The following HYCC1 variants were observed in gnomAD, a reference collection of about 807,000 sequenced individuals.
The protein encoded by HYCC1 is hyccin PI4KA lipid kinase complex subunit 1.
chr7:22,902,414 A>C, the HYCC1 span, among the ~76,000 whole-genome samples: 1 of 152,166 alleles, frequency 6.6e-6, no homozygotes, highest in South Asian at 2.1e-4. Context: ...ATTACAACAA[A>C]AGTCAGAAAA....
the HYCC1 span, chr7:22,934,894 C>T: frequency 6.6e-6 from 1 of 152,180 alleles, no homozygotes; most frequent in African/African-American, 2.4e-5. Flanking sequence ...TTCCAGACTC[C>T]TAGAAGCAAA....
At chr7:22,943,120 T>TAA in the HYCC1 span, 34 of 152,294 alleles carry the variant, frequency 2.2e-4, no homozygotes, top group East Asian at 6.6e-3. Context: ...ATTCCATTTA[T>TAA]AGTTAACAAG....
chr7:22,986,510 GT>G, the HYCC1 span, among the ~76,000 whole-genome samples: 1 of 152,214 alleles, frequency 6.6e-6, no homozygotes, highest in Admixed American at 6.5e-5. Flanking sequence ...CATAACTGGA[GT>G]TGAAAAGCAC....
the HYCC1 span, among the ~76,000 whole-genome samples, chr7:23,008,964 A>AC: frequency 6.6e-5 from 10 of 152,204 alleles, no homozygotes; most frequent in Non-Finnish European, 1.0e-4. Context: ...ATAAAAGAAA[A>AC]ATTTGATAGG....
chr7:22,930,725 G>C, the HYCC1 span, among the ~76,000 whole-genome samples: 1 of 151,950 alleles, frequency 6.6e-6, no homozygotes, highest in South Asian at 2.1e-4. Flanking sequence ...CAAAATACTA[G>C]CAAATCAAAT....
the HYCC1 span, among the ~76,000 whole-genome samples, chr7:22,906,976 G>A: frequency 6.6e-6 from 1 of 151,724 alleles, no homozygotes; most frequent in Non-Finnish European, 1.5e-5. Context: ...ATGGGGGCGG[G>A]CACTTGTAAT....
the HYCC1 span, among the ~76,000 whole-genome samples, chr7:23,008,325 T>C: frequency 2.0e-5 from 3 of 151,914 alleles, no homozygotes; most frequent in Non-Finnish European, 2.9e-5. Flanking sequence ...AAATATCAAA[T>C]ATACCACTTG....
At chr7:22,899,381 TC>T in the HYCC1 span, among the ~76,000 whole-genome samples, 4 of 152,190 alleles carry the variant, frequency 2.6e-5, no homozygotes, top group East Asian at 7.7e-4. Context: ...GGAAGAAATT[TC>T]CTCCACTACC....
the HYCC1 span, among the ~76,000 whole-genome samples, chr7:22,997,169 AAC>A: frequency 6.6e-6 from 1 of 152,174 alleles, no homozygotes; most frequent in Admixed American, 6.5e-5. Flanking sequence ...TGTTATTAAT[AAC>A]AATTACCAAA....
At chr7:23,002,158 A>ACAAT in the HYCC1 span, among the ~76,000 whole-genome samples, 29 of 54,200 alleles carry the variant, frequency 5.4e-4, no homozygotes, top group African/African-American at 8.8e-4. Context: ...ATATATATAT[A>ACAAT]TATATATATA....
chr7:22,963,840 A>G, the HYCC1 span, among the ~76,000 whole-genome samples: 1 of 152,354 alleles, frequency 6.6e-6, no homozygotes, highest in East Asian at 1.9e-4. Flanking sequence ...ACTCTACTAG[A>G]GAAAATTAAA....
chr7:22,991,241 T>C, the HYCC1 span: 5 of 709,880 alleles, frequency 7.0e-6, no homozygotes. Flanking sequence ...TTCATATTTG[T>C]GAAATGAGTT....
chr7:22,950,791 G>C, the HYCC1 span, among the ~76,000 whole-genome samples: 8 of 151,632 alleles, frequency 5.3e-5, no homozygotes, highest in South Asian at 1.7e-3. Flanking sequence ...AAATTATATA[G>C]AAGATGCTGT....
the HYCC1 span, chr7:22,937,906 T>A: frequency 6.6e-6 from 1 of 152,164 alleles, no homozygotes; most frequent in Non-Finnish European, 1.5e-5. Flanking sequence ...CAAAGATACA[T>A]CAATTGTTGG....
chr7:22,906,786 A>C, the HYCC1 span, among the ~76,000 whole-genome samples: 3 of 152,276 alleles, frequency 2.0e-5, no homozygotes, highest in Non-Finnish European at 4.4e-5. Context: ...TGCAGACTTA[A>C]AGACATCAAA....
the HYCC1 span, chr7:22,976,905 C>T: frequency 8.3e-5 from 62 of 743,260 alleles, no homozygotes; most frequent in African/African-American, 9.4e-4. Context: ...CTACCACGAA[C>T]ATCATATATC....
At chr7:22,900,930 C>T in the HYCC1 span, among the ~76,000 whole-genome samples, 9 of 151,984 alleles carry the variant, frequency 5.9e-5, no homozygotes, top group East Asian at 1.9e-4. Flanking sequence ...GTACATGCAA[C>T]GAAAAACATA....
the HYCC1 span, among the ~76,000 whole-genome samples, chr7:22,922,193 TTTA>T: frequency 1.3e-5 from 2 of 152,068 alleles, no homozygotes; most frequent in Non-Finnish European, 2.9e-5. Flanking sequence ...ATTAATAATA[TTTA>T]TTACTAATAA....
the HYCC1 span, chr7:22,964,420 A>C: frequency 6.4e-7 from 1 of 1,563,470 alleles, no homozygotes; most frequent in Admixed American, 1.7e-5. Context: ...CTTACAAGGC[A>C]AAATAAATCC....
Sources: gnomAD v4.1 joint callset for allele counts (sites outside exome capture counted in the v4.1 genomes callset) on GRCh38, gnomAD v4.1.1 for gene constraint, MANE v1.5 for transcripts, NCBI Gene and HGNC (gene_info 2026-07-23, HGNC 2026-07-21) for gene names.